Variants in CYP3A43 observed in about 807,000 individuals in gnomAD.
The protein encoded by CYP3A43 is cytochrome P450 3A43.
A neutral mutation model predicts 58.0 loss-of-function variants in CYP3A43; 45 were observed. The ratio of observed to expected loss-of-function variants is 0.78; its 90% CI spans 0.61 to 0.99. CYP3A43 has a LOEUF of 0.99. Ranked by LOEUF, CYP3A43 falls within the 50% of genes least tolerant of loss-of-function variation. The pLI is 0.00. For synonymous variants in CYP3A43, 191 were observed against 201.4 expected, an observed-to-expected ratio of 0.95 and a Z score of 0.44; for missense variants, 593 against 591.9, an observed-to-expected ratio of 1.00 and a Z score of -0.02.
rs371395372 is a variant in CYP3A43, at chr7:99,846,069, G to A, written c.319-1419G>A. On this transcript the variant is annotated intron_variant, in intron 4 of 12. Coordinates refer to ENST00000354829, the MANE Select transcript of CYP3A43 (RefSeq NM_057095.3). ...TGGGACTACAGACATGAGCCACCAC[G>A]CCTGGCCCCTTTTCCTTTCCATAAA... 5.3e-5 allele frequency among the ~76,000 whole-genome samples: 8 copies of A among 152,160 alleles called. No homozygotes were observed. The East Asian group carries it at 7.7e-4, about 15-fold the overall frequency.
intron 1 of CYP3A43, among the ~76,000 whole-genome samples, chr7:99,830,621 A>G (rs567704484): frequency 9.4e-4 from 143 of 152,368 alleles, no homozygotes; most frequent in African/African-American, 3.4e-3. Context: ...ACATTATAAT[A>G]AGATGACTTT....
Position 99,860,003 on chromosome 7 carries a change from T to G in CYP3A43, c.1026+13T>G. On this transcript the variant is annotated intron_variant, in intron 10 of 12. Transcript: ENST00000354829. ...TTTACCCAATAAGGTAAGGGGATGA[T>G]CCCCTGGAGAAGGAGGGAGAAGGTG... The G allele has an allele frequency of 6.4e-7, 1 of 1,568,080 alleles. No homozygotes were observed. Among genetic ancestry groups the G allele is most frequent in the Non-Finnish European group, 8.6e-7 (1 of 1,158,998 alleles).
intron 10 of CYP3A43, 128 bp from the exon 11 acceptor site, chr7:99,861,485 A>T: frequency 1.2e-6 from 1 of 806,634 alleles, no homozygotes; most frequent in Non-Finnish European, 1.9e-6. Flanking sequence ...AATAATTTAT[A>T]AATGCAACAA....
intron 8 of CYP3A43, 124 bp from the exon 9 acceptor site, chr7:99,856,709 C>T (rs1294649986): frequency 4.3e-6 from 4 of 925,160 alleles, no homozygotes. Flanking sequence ...TCAGGCAACA[C>T]CCATTACACT....
rs541648357 is a variant in CYP3A43 at position 99,861,599 on chromosome 7, T to G, written c.1027-14T>G. 2 of 1,610,718 alleles carry G rather than the reference T, an allele frequency of 1.2e-6. No individual in the cohort carries two copies. The highest frequency in any genetic ancestry group is 2.7e-5 in the African/African-American group (2 of 75,016). On this transcript the variant is annotated splice_polypyrimidine_tract_variant and intron_variant, in intron 10 of 12. Coordinates refer to ENST00000354829, the MANE Select transcript of CYP3A43 (RefSeq NM_057095.3). ...CCAATCTCAATTTATCCAAATCTGT[T>G]TCTTTCTTCCCAGGCACCTGTCACC...
chr7:99,830,217 T>TAA (rs1816788284), intron 1 of CYP3A43, among the ~76,000 whole-genome samples: 2 of 152,076 alleles, frequency 1.3e-5, no homozygotes, highest in African/African-American at 4.8e-5. Context: ...TATAATCTCA[T>TAA]GAAAAAGAAT....
At chr7:99,852,218 T>C (rs1057383018) in intron 7 of CYP3A43, among the ~76,000 whole-genome samples, 5 of 152,228 alleles carry the variant, frequency 3.3e-5, no homozygotes, top group African/African-American at 1.2e-4. Context: ...GTGGTAAGTT[T>C]TGAAATTGGG....
chr7:99,857,261 G>A lies in CYP3A43; in HGVS notation c.865+362G>A, dbSNP rs559430901. On this transcript the variant is annotated intron_variant, in intron 9 of 12. Transcript: ENST00000354829. ...GGAGACACACTGTCCAAATAAGGGT[G>A]ATTTTAACTGGAAACACTTGGTGAA... is the stretch of plus-strand genomic sequence containing the variant. Among the ~76,000 whole-genome samples the A allele has an allele frequency of 3.2e-4, 48 of 152,290 alleles. 1 individual carries two copies. In the South Asian group the frequency reaches 9.7e-3, roughly 31 times the overall value.
chr7:99,856,219 T>C (rs557560294), intron 8 of CYP3A43, among the ~76,000 whole-genome samples: 18 of 152,330 alleles, frequency 1.2e-4, no homozygotes, highest in African/African-American at 4.3e-4. Flanking sequence ...TGTCATAGCC[T>C]GGACTGGGCA....
At chr7:99,849,116 G>A (rs575721342) in intron 6 of CYP3A43, among the ~76,000 whole-genome samples, 1 of 152,328 alleles carries the variant, frequency 6.6e-6, no homozygotes, top group Admixed American at 6.5e-5. Flanking sequence ...GTGCTGAAGA[G>A]ACATCAGCTC....
At chr7:99,845,345 CAG>C (rs2151604005) in intron 4 of CYP3A43, among the ~76,000 whole-genome samples, 1 of 151,628 alleles carries the variant, frequency 6.6e-6, no homozygotes, top group South Asian at 2.1e-4. Flanking sequence ...TTAATTGAGA[CAG>C]AGTCTCGCTC....
rs188624641 is a variant in CYP3A43 at position 99,828,152 on chromosome 7, G to A, written c.37G>A (p.Val13Ile). 5 of 1,612,990 alleles carry A rather than the reference G, an allele frequency of 3.1e-6. No individual in the cohort carries two copies. In the Admixed American group the frequency reaches 8.3e-5, roughly 27 times the overall value. The change falls in exon 1 of 13, where the codon GTT (valine) becomes ATT (isoleucine). Residue 13 changes from valine (V) to isoleucine (I), a missense_variant. Physicochemically the swap from Val to Ile is conservative, Grantham distance 29. Transcript: ENST00000354829. ...LIPNFAMETWVLVATSLVLLY... is the reference protein window; with the variant it reads ...LIPNFAMETWILVATSLVLLY... ...TCCAAACTTTGCCATGGAAACATGG[G>A]TTCTTGTGGCTACCAGCCTGGTACT...
At chr7:99,829,255 A>C (rs557184611) in intron 1 of CYP3A43, among the ~76,000 whole-genome samples, 125 of 152,338 alleles carry the variant, frequency 8.2e-4, no homozygotes, top group African/African-American at 2.5e-3. Flanking sequence ...GAGTTAATAC[A>C]TGCTGCCAAC....
chr7:99,829,519 T>C (rs1036450351), intron 1 of CYP3A43, among the ~76,000 whole-genome samples: 5 of 152,192 alleles, frequency 3.3e-5, no homozygotes, highest in African/African-American at 1.2e-4. Context: ...CCAGAGAAAT[T>C]GCAACAACTT....
intron 7 of CYP3A43, among the ~76,000 whole-genome samples, chr7:99,853,514 C>A (rs759543163): frequency 2.0e-5 from 3 of 152,062 alleles, no homozygotes; most frequent in African/African-American, 7.3e-5. Flanking sequence ...ATCAATGTAG[C>A]TAAAAGTTTG....
chr7:99,837,080 C>T (rs1476703285), intron 2 of CYP3A43, among the ~76,000 whole-genome samples: 2 of 147,476 alleles, frequency 1.4e-5, no homozygotes, highest in African/African-American at 2.5e-5. Context: ...CCGAGACGGG[C>T]GGATCACGAG....
chr7:99,849,451 C>T, intron 6 of CYP3A43, 95 bp from the exon 7 acceptor site: 3 of 1,415,680 alleles, frequency 2.1e-6, no homozygotes, highest in East Asian at 4.8e-5. Flanking sequence ...GGGTTTTCAC[C>T]TGTCTTGCTC....
At chr7:99,857,233 T>G (rs980381041) in intron 9 of CYP3A43, among the ~76,000 whole-genome samples, 1 of 152,262 alleles carries the variant, frequency 6.6e-6, no homozygotes, top group Admixed American at 6.5e-5. Flanking sequence ...TAACATCCAA[T>G]CAGGAGACAC....
At chr7:99,838,660 C>A in intron 2 of CYP3A43, 1 of 1,287,754 alleles carries the variant, frequency 7.8e-7, no homozygotes, top group Non-Finnish European at 1.0e-6. Flanking sequence ...TCTGTATTTT[C>A]TCTCCTTTTC....
Sources: gnomAD v4.1 joint callset for allele counts (sites outside exome capture counted in the v4.1 genomes callset) on GRCh38, gnomAD v4.1.1 for gene constraint, MANE v1.5 for transcripts, NCBI Gene and HGNC (gene_info 2026-07-23, HGNC 2026-07-21) for gene names.